Variants in SLC26A7 observed in about 807,000 individuals in gnomAD.
SLC26A7 encodes anion exchange transporter.
Under a neutral mutation model 82.5 loss-of-function variants are expected in SLC26A7, and 59 were observed. The observed-to-expected ratio is 0.72, with a 90% CI of 0.58 to 0.89. The LOEUF (loss-of-function observed/expected upper bound fraction) is 0.89. Ranked by LOEUF, SLC26A7 falls within the 40% of genes least tolerant of loss-of-function variation. The probability of loss-of-function intolerance (pLI) is 0.00; values close to 1 mark genes in which losing one functional copy is unlikely to be tolerated. For missense variants in SLC26A7, 820 were observed against 793.0 expected (o/e 1.03, Z -0.41); for synonymous variants, 271 against 274.3 (o/e 0.99, Z 0.12).
intron 2 of SLC26A7, among the ~76,000 whole-genome samples, chr8:91,239,244 C>T (rs1810433394): frequency 1.3e-5 from 2 of 151,874 alleles, no homozygotes; most frequent in African/African-American, 4.8e-5. Flanking sequence ...GTGGCAGGTG[C>T]CTGTAGTCCC....
At chr8:91,375,804 C>A (rs1412813652) in intron 15 of SLC26A7, among the ~76,000 whole-genome samples, 2 of 152,014 alleles carry the variant, frequency 1.3e-5, no homozygotes, top group East Asian at 3.9e-4. Context: ...AGACATTTCT[C>A]TGAATTATTT....
At chr8:91,210,562 G>GACACACACACACACACACACACACACAC (rs35968986) in intron 1 of SLC26A7, among the ~76,000 whole-genome samples, 3 of 146,098 alleles carry the variant, frequency 2.1e-5, no homozygotes, top group South Asian at 2.1e-4. Context: ...CACACACACA[G>GACACACACACACACACACACACACACAC]ACACACACAC....
At chr8:91,242,094 T>C (rs1175498339) in intron 2 of SLC26A7, among the ~76,000 whole-genome samples, 1 of 152,206 alleles carries the variant, frequency 6.6e-6, no homozygotes, top group Non-Finnish European at 1.5e-5. Flanking sequence ...GTTTTGAATA[T>C]TTCATTTTTT....
In SLC26A7 at chr8:91,338,169, C is replaced by T; in HGVS notation, c.815C>T (p.Ala272Val). The T allele has an allele frequency of 6.2e-7, 1 of 1,609,678 alleles. No homozygotes were observed. The highest frequency in any genetic ancestry group is 8.5e-7 in the Non-Finnish European group (1 of 1,178,242). ...DLVLIIAASFACYCTNMENTY... is the reference protein window; with the variant it reads ...DLVLIIAASFVCYCTNMENTY... Reference sequence around the variant, plus strand: ...ACACAGATTATTGCTGCATCATTTGCTTGTTATTGCACCAATATGGAAAAC... The same window carrying T: ...ACACAGATTATTGCTGCATCATTTGTTTGTTATTGCACCAATATGGAAAAC... Residue 272 changes from alanine (A) to valine (V), a missense_variant, in exon 7 of 19, where the codon GCT becomes GTT. Ala to Val is a moderately conservative substitution (Grantham distance 64). Transcript: ENST00000276609.
chr8:91,236,144 T>C (rs770419201), intron 2 of SLC26A7, among the ~76,000 whole-genome samples: 123 of 152,220 alleles, frequency 8.1e-4, no homozygotes, highest in Non-Finnish European at 5.4e-4. Context: ...TAATTTGTGT[T>C]TTGGGAAAAT....
intron 4 of SLC26A7, among the ~76,000 whole-genome samples, chr8:91,310,047 G>A (rs149415345): frequency 6.6e-6 from 1 of 151,516 alleles, no homozygotes; most frequent in East Asian, 1.9e-4. Context: ...GATCACCAGT[G>A]TCAGGTGCTT....
chr8:91,340,346 A>G lies in SLC26A7; in HGVS notation c.879-58A>G, dbSNP rs544705213. The G allele has an allele frequency of 1.7e-5, 27 of 1,580,670 alleles. No individual in the cohort carries two copies. The South Asian group carries it at 2.9e-4, about 17-fold the overall frequency. ...CATTGCCACAGTTAAATTCATTGCA[A>G]GTTGTTACAGAAATTACATGAAGTT... On this transcript the variant is annotated intron_variant, in intron 7 of 18. Coordinates refer to ENST00000276609, the MANE Select transcript of SLC26A7 (RefSeq NM_052832.4).
chr8:91,240,766 AAT>A (rs1218114872), intron 2 of SLC26A7, among the ~76,000 whole-genome samples: 1 of 152,128 alleles, frequency 6.6e-6, no homozygotes, highest in Non-Finnish European at 1.5e-5. Context: ...ACAAAAGAAA[AAT>A]ATATTCCCTG....
chr8:91,245,828 A>G (rs1810537863), upstream of SLC26A7, among the ~76,000 whole-genome samples: 1 of 152,088 alleles, frequency 6.6e-6, no homozygotes, highest in African/African-American at 2.4e-5. Context: ...AGCCTGGCCA[A>G]ATTCCCTCAC....
intron 2 of SLC26A7, among the ~76,000 whole-genome samples, chr8:91,243,451 G>A (rs1429682478): frequency 6.6e-6 from 1 of 152,114 alleles, no homozygotes; most frequent in African/African-American, 2.4e-5. Flanking sequence ...CCAAAGAGTG[G>A]GGGTGGAGGA....
intron 2 of SLC26A7, among the ~76,000 whole-genome samples, chr8:91,270,087 T>C (rs114676340): frequency 0.023 from 3,442 of 152,320 alleles, 114 homozygotes; most frequent in African/African-American, 0.077. Flanking sequence ...TCAATTCTTC[T>C]TGGTCCATTA....
chr8:91,381,397 A>G (rs1332702553), intron 15 of SLC26A7, among the ~76,000 whole-genome samples: 1 of 152,188 alleles, frequency 6.6e-6, no homozygotes. Context: ...ATTAACATGG[A>G]TGCATCTCAG....
At chr8:91,294,053 A>T (rs1811949014) in intron 3 of SLC26A7, among the ~76,000 whole-genome samples, 1 of 152,228 alleles carries the variant, frequency 6.6e-6, no homozygotes, top group African/African-American at 2.4e-5. Context: ...TGATTTATTG[A>T]TGATTTATTG....
intron 2 of SLC26A7, among the ~76,000 whole-genome samples, chr8:91,265,614 G>A (rs1433816028): frequency 1.4e-4 from 22 of 151,834 alleles, no homozygotes; most frequent in Admixed American, 1.4e-3. Flanking sequence ...GCATCATTGT[G>A]GTTTTGATTT....
intron 9 of SLC26A7, chr8:91,344,294 G>A: frequency 1.3e-6 from 1 of 748,580 alleles, no homozygotes; most frequent in Non-Finnish European, 1.6e-6. Flanking sequence ...GTAGTAAATG[G>A]CAGAGCCGGG....
chr8:91,335,382 C>T (rs1731006585), intron 6 of SLC26A7, among the ~76,000 whole-genome samples: 2 of 152,052 alleles, frequency 1.3e-5, no homozygotes, highest in Non-Finnish European at 2.9e-5. Flanking sequence ...ATTTATATAA[C>T]ATATGTGATT....
intron 2 of SLC26A7, among the ~76,000 whole-genome samples, chr8:91,281,738 C>T (rs1389091511): frequency 6.6e-6 from 1 of 152,126 alleles, no homozygotes. Flanking sequence ...TCATCTCCCT[C>T]CCACTCTCGG....
At chr8:91,312,567 C>A (rs147326523) in intron 4 of SLC26A7, among the ~76,000 whole-genome samples, 3 of 152,080 alleles carry the variant, frequency 2.0e-5, no homozygotes, top group East Asian at 3.9e-4. Context: ...ACATTCCCAG[C>A]AACAGAGCAC....
At chr8:91,301,729 A>G (rs768762392) in intron 4 of SLC26A7, among the ~76,000 whole-genome samples, 12 of 149,334 alleles carry the variant, frequency 8.0e-5, no homozygotes, top group Non-Finnish European at 1.5e-4. Context: ...ATTTCCTTCA[A>G]TTTACCATTA....
Sources: gnomAD v4.1 joint callset for allele counts (sites outside exome capture counted in the v4.1 genomes callset) on GRCh38, gnomAD v4.1.1 for gene constraint, MANE v1.5 for transcripts, NCBI Gene and HGNC (gene_info 2026-07-23, HGNC 2026-07-21) for gene names.